The following EEFSEC variants were observed in gnomAD, a reference collection of about 807,000 sequenced individuals.
EEFSEC encodes the protein selenocysteine-specific elongation factor.
EEFSEC carries 43 observed loss-of-function variants against 42.1 expected under a neutral mutation model. The ratio of observed to expected loss-of-function variants is 1.02; its 90% CI spans 0.80 to 1.32. EEFSEC has a LOEUF of 1.32. EEFSEC is among the 40% of genes most tolerant of loss of function. EEFSEC has a pLI of 0.00. For synonymous variants in EEFSEC, 354 were observed against 339.1 expected, an observed-to-expected ratio of 1.04 and a Z score of -0.48; for missense variants, 745 against 803.6, an observed-to-expected ratio of 0.93 and a Z score of 0.88.
chr3:128,212,431 G>A (rs934193577), intron 1 of EEFSEC, among the ~76,000 whole-genome samples: 1 of 152,198 alleles, frequency 6.6e-6, no homozygotes, highest in Non-Finnish European at 1.5e-5. Flanking sequence ...AAGTGCTCTG[G>A]TCTGGAAGGG....
chr3:128,159,951 T>A (rs1352203803), intron 1 of EEFSEC, among the ~76,000 whole-genome samples: 1 of 152,246 alleles, frequency 6.6e-6, no homozygotes, highest in African/African-American at 2.4e-5. Flanking sequence ...GTGAGCTCCA[T>A]GAGACCAGAG....
intron 1 of EEFSEC, among the ~76,000 whole-genome samples, chr3:128,180,150 C>T (rs74640470): frequency 2.1e-3 from 317 of 152,016 alleles, no homozygotes; most frequent in African/African-American, 7.3e-3. Flanking sequence ...ACTTAATTTT[C>T]TTTCTTGAAA....
At chr3:128,286,944 C>T (rs1043578359) in intron 4 of EEFSEC, among the ~76,000 whole-genome samples, 2 of 152,216 alleles carry the variant, frequency 1.3e-5, no homozygotes, top group African/African-American at 2.4e-5. Flanking sequence ...AGGCTTGCCT[C>T]CTTGCTTGTC....
intron 1 of EEFSEC, among the ~76,000 whole-genome samples, chr3:128,234,052 TATTTA>T (rs2107871696): frequency 7.0e-6 from 1 of 142,618 alleles, no homozygotes; most frequent in South Asian, 2.3e-4. Context: ...TTTATTTATT[TATTTA>T]ATTTATTTAT....
intron 6 of EEFSEC, among the ~76,000 whole-genome samples, chr3:128,389,932 G>A (rs188658812): frequency 1.3e-5 from 2 of 152,324 alleles, no homozygotes; most frequent in Admixed American, 6.5e-5. Context: ...CTGGGAGTCC[G>A]GTTGCAGGGG....
intron 1 of EEFSEC, among the ~76,000 whole-genome samples, chr3:128,155,431 T>G (rs189581828): frequency 6.6e-6 from 1 of 152,310 alleles, no homozygotes; most frequent in African/African-American, 2.4e-5. Context: ...TTATTATACC[T>G]TTGTGGATTA....
chr3:128,339,804 C>T (rs183131156), intron 4 of EEFSEC, among the ~76,000 whole-genome samples: 8 of 152,278 alleles, frequency 5.3e-5, no homozygotes, highest in African/African-American at 1.9e-4. Flanking sequence ...ACTCACAGTT[C>T]TGCGTGGCTG....
intron 1 of EEFSEC, among the ~76,000 whole-genome samples, chr3:128,228,835 A>G (rs970307016): frequency 2.0e-5 from 3 of 152,328 alleles, no homozygotes; most frequent in South Asian, 4.1e-4. Context: ...TATGCAATGC[A>G]CTTAGAACGG....
chr3:128,411,314 G>A (rs1451417146), downstream of EEFSEC, among the ~76,000 whole-genome samples: 1 of 152,220 alleles, frequency 6.6e-6, no homozygotes, highest in African/African-American at 2.4e-5. Flanking sequence ...TGCAGCCACC[G>A]ACACAGGTAA....
downstream of EEFSEC, among the ~76,000 whole-genome samples, chr3:128,412,607 C>T (rs547618134): frequency 2.0e-5 from 3 of 152,346 alleles, no homozygotes; most frequent in East Asian, 5.8e-4. Flanking sequence ...GGCCCGTGTG[C>T]CTGCTTGCTG....
At chr3:128,337,158 C>T (rs1288166555) in intron 4 of EEFSEC, 1 of 152,210 alleles carries the variant, frequency 6.6e-6, no homozygotes, top group African/African-American at 2.4e-5. Context: ...TCCGAAGCGT[C>T]CCTCAGTGAG....
At chr3:128,316,889 C>T (rs558686653) in intron 4 of EEFSEC, among the ~76,000 whole-genome samples, 9 of 152,170 alleles carry the variant, frequency 5.9e-5, no homozygotes, top group African/African-American at 1.2e-4. Context: ...ATCCCAGCCC[C>T]GACCTTCCTT....
At chr3:128,155,089 ATG>A (rs1179757740) in intron 1 of EEFSEC, among the ~76,000 whole-genome samples, 1 of 152,118 alleles carries the variant, frequency 6.6e-6, no homozygotes, top group Non-Finnish European at 1.5e-5. Context: ...ATCTCTGCAA[ATG>A]AAAAGACCCG....
At chr3:128,416,102 A>G in the EEFSEC span, among the ~76,000 whole-genome samples, 1 of 152,042 alleles carries the variant, frequency 6.6e-6, no homozygotes, top group African/African-American at 2.4e-5. Context: ...GCCGATAAGG[A>G]GAGACGGTTG....
chr3:128,246,794 C>A (rs2066132762), intron 1 of EEFSEC, 42 bp from the exon 2 acceptor site: 1 of 1,605,620 alleles, frequency 6.2e-7, no homozygotes, highest in East Asian at 2.2e-5. Flanking sequence ...GTGGGGCTCA[C>A]CACCCCTTTT....
intron 1 of EEFSEC, among the ~76,000 whole-genome samples, chr3:128,245,118 A>C (rs2066114002): frequency 6.6e-6 from 1 of 152,100 alleles, no homozygotes; most frequent in African/African-American, 2.4e-5. Flanking sequence ...TGAATCAGTG[A>C]TATATTTTTA....
At chr3:128,241,014 G>A (rs758443590) in intron 1 of EEFSEC, among the ~76,000 whole-genome samples, 1 of 152,156 alleles carries the variant, frequency 6.6e-6, no homozygotes, top group African/African-American at 2.4e-5. Flanking sequence ...GTTTTGTCCT[G>A]GAACACCCGC....
At chr3:128,264,907 G>T in intron 4 of EEFSEC, 126 bp downstream of exon 4, 2 of 1,180,140 alleles carry the variant, frequency 1.7e-6, no homozygotes, top group East Asian at 2.6e-5. Flanking sequence ...TGCCTGCTCC[G>T]CCCCACCTCC....
At chr3:128,249,694 T>G (rs1439245153) in intron 2 of EEFSEC, among the ~76,000 whole-genome samples, 1 of 152,246 alleles carries the variant, frequency 6.6e-6, no homozygotes, top group Non-Finnish European at 1.5e-5. Context: ...CTATTTGGCC[T>G]TTTGTGTCTG....
Sources: gnomAD v4.1 joint callset for allele counts (sites outside exome capture counted in the v4.1 genomes callset) on GRCh38, gnomAD v4.1.1 for gene constraint, MANE v1.5 for transcripts, NCBI Gene and HGNC (gene_info 2026-07-23, HGNC 2026-07-21) for gene names.